VPS16: variants seen among roughly 807,000 people sequenced by gnomAD.
VPS16 encodes the protein VPS16 core subunit of CORVET and HOPS complexes.
VPS16 carries 82 observed loss-of-function variants against 116.0 expected under a neutral mutation model. The observed-to-expected ratio is 0.71, with a 90% CI of 0.59 to 0.85. The LOEUF (loss-of-function observed/expected upper bound fraction) is 0.85, where lower values mean the gene tolerates loss of function less well. VPS16 is among the 40% of genes least tolerant of loss of function. The probability of loss-of-function intolerance (pLI) is 0.00; values close to 1 mark genes in which losing one functional copy is unlikely to be tolerated. For missense variants in VPS16, 928 were observed against 1,090.6 expected, an observed-to-expected ratio of 0.85 and a Z score of 2.10; for synonymous variants, 406 against 420.7, an observed-to-expected ratio of 0.96 and a Z score of 0.43.
At chr20:2,849,003 C>G (rs1599977751) in intron 1 of VPS16, among the ~76,000 whole-genome samples, 1 of 152,138 alleles carries the variant, frequency 6.6e-6, no homozygotes, top group Admixed American at 6.5e-5. Context: ...AAGACAGCTA[C>G]CCCAAGTTAG....
chr20:2,862,172 C>G (rs577317807), intron 11 of VPS16, 42 bp downstream of exon 11: 1 of 1,592,968 alleles, frequency 6.3e-7, no homozygotes, highest in African/African-American at 1.3e-5. Context: ...AATGGTTCCT[C>G]CTGCCCCTGC....
Position 2,865,091 on chromosome 20 carries a change from C to G in VPS16, c.2004+36C>G. The G allele has an allele frequency of 6.2e-7, 1 of 1,614,170 alleles. No homozygotes were observed. The highest frequency in any genetic ancestry group is 8.5e-7 in the Non-Finnish European group (1 of 1,180,028). ...CCTTTTTCCAAGAGCCTCCTCGTCT[C>G]CTGGTCTTCCCTCCTGGTCCCTCAT... On this transcript the variant is annotated intron_variant, in intron 20 of 23. Transcript: ENST00000380445. This position sits in a 1 kb window ranked among gnomAD's most constrained non-coding sequence, Gnocchi z 5.2.
intron 1 of VPS16, among the ~76,000 whole-genome samples, chr20:2,856,091 A>G (rs906282262): frequency 1.3e-5 from 2 of 152,152 alleles, no homozygotes; most frequent in African/African-American, 4.8e-5. Flanking sequence ...CTAGCTTTTG[A>G]TTTAAAGTGA....
In VPS16 at chr20:2,861,693, C is replaced by G; in HGVS notation, c.888C>G (p.Pro296=). 6.2e-7 allele frequency: 1 copy of G among 1,612,998 alleles called. No homozygotes were observed. The highest frequency in any genetic ancestry group is 1.1e-5 in the South Asian group (1 of 90,850). The change falls in exon 9 of 24, where the codon CCC becomes CCG. Residue 296 remains proline, a synonymous_variant. Coordinates refer to ENST00000380445, the MANE Select transcript of VPS16 (RefSeq NM_022575.4). ...GGCTGATGGTGGTGGGCGATGCACC[C>G]GAGAGCATCCAGTATCCTTGGAGGG... ...ERRLMVVGDA[P]ESIQFVLDED...
intron 1 of VPS16, among the ~76,000 whole-genome samples, chr20:2,859,457 C>A (rs148137486): frequency 0.011 from 1,621 of 152,326 alleles, 35 homozygotes; most frequent in African/African-American, 0.036. Context: ...GAGCTCCTGC[C>A]ATCCTTGGAC....
At position 2,863,159 on chromosome 20, in the gene VPS16, T is replaced by C. The variant is rs543565077; in HGVS notation, c.1367+59T>C. On this transcript the variant is annotated intron_variant, in intron 14 of 23. Coordinates refer to ENST00000380445, the MANE Select transcript of VPS16 (RefSeq NM_022575.4). This position sits in a 1 kb window ranked among gnomAD's most constrained non-coding sequence, Gnocchi z 4.4. ...GTCAGGGGGGTGGGCATTACAGCCTTGGGTGGGGTCTTATGGTCACTGCTC... is the reference window on the plus strand; with the variant it reads ...GTCAGGGGGGTGGGCATTACAGCCTCGGGTGGGGTCTTATGGTCACTGCTC... 1 of 1,611,598 alleles carries C rather than the reference T, an allele frequency of 6.2e-7. No individual in the cohort carries two copies. Among genetic ancestry groups the C allele is most frequent in the Middle Eastern group, 1.7e-4 (1 of 6,054 alleles).
chr20:2,861,496 A>C (rs2089227038), intron 8 of VPS16, 119 bp from the exon 9 acceptor site: 3 of 1,368,138 alleles, frequency 2.2e-6, no homozygotes, highest in African/African-American at 1.4e-5. Context: ...TGGAGAGGTC[A>C]GTGTACAGTC....
At chr20:2,866,340 T>C (rs2089344889) in intron 23 of VPS16, 25 bp downstream of exon 23, 2 of 1,613,980 alleles carry the variant, frequency 1.2e-6, no homozygotes, top group African/African-American at 1.3e-5. Context: ...GGCCTGTGGG[T>C]GCTGGGTGGC....
At chr20:2,862,554 C>G (rs773530429) in intron 11 of VPS16, 25 bp from the exon 12 acceptor site, 2 of 1,606,934 alleles carry the variant, frequency 1.2e-6, no homozygotes, top group East Asian at 2.2e-5. Context: ...TCATGATGCC[C>G]TGGCTCTGGA....
chr20:2,859,961 C>A, intron 2 of VPS16, 93 bp from the exon 3 acceptor site: 1 of 1,546,580 alleles, frequency 6.5e-7, no homozygotes, highest in African/African-American at 1.4e-5. Context: ...GCCTGCTTCA[C>A]ATGGGGTGGG....
intron 1 of VPS16, among the ~76,000 whole-genome samples, chr20:2,847,728 C>T (rs963980231): frequency 5.3e-5 from 8 of 152,198 alleles, no homozygotes; most frequent in African/African-American, 1.7e-4. Context: ...CCGCCTGTCT[C>T]GGCCTCCGGA....
rs1392918996 is a variant in VPS16, at chr20:2,865,290, C to T, written c.2147C>T (p.Ala716Val). ...GGHNKRAEQL[A>V]RDFRIPDKRL... Reference sequence around the variant, plus strand: ...CACAACAAGCGTGCAGAGCAGCTGGCACGTGACTTCCGCATCCCTGACAAG... The same window carrying T: ...CACAACAAGCGTGCAGAGCAGCTGGTACGTGACTTCCGCATCCCTGACAAG... The change falls in exon 21 of 24, where the codon GCA (alanine) becomes GTA (valine). Residue 716 changes from alanine (A) to valine (V), a missense_variant. Physicochemically the swap from Ala to Val is moderately conservative, Grantham distance 64 (BLOSUM62 0). Transcript: ENST00000380445. This position sits in a 1 kb window ranked among gnomAD's most constrained non-coding sequence, Gnocchi z 5.2. 6.2e-7 allele frequency: 1 copy of T among 1,614,018 alleles called. No homozygotes were observed. Among genetic ancestry groups the T allele is most frequent in the Non-Finnish European group, 8.5e-7 (1 of 1,180,044 alleles).
chr20:2,852,611 G>A (rs971857403), intron 1 of VPS16, among the ~76,000 whole-genome samples: 1 of 152,124 alleles, frequency 6.6e-6, no homozygotes, highest in Non-Finnish European at 1.5e-5. Flanking sequence ...TGCAAAACAC[G>A]TCACATGAAT....
At position 2,860,760 on chromosome 20, in the gene VPS16, C is replaced by T. The variant is rs1371087855; in HGVS notation, c.527C>T (p.Ala176Val). 6.2e-7 allele frequency: 1 copy of T among 1,613,946 alleles called. No homozygotes were observed. The highest frequency in any genetic ancestry group is 8.5e-7 in the Non-Finnish European group (1 of 1,180,038). ...RMPEVPGLQS[A>V]PSCWTVLCQD... is the part of the protein sequence containing the mutation. ...TCCCTGGCCATAGGTCTGCAAAGTGCACCCTCCTGCTGGACTGTGCTGTGC... is the reference window on the plus strand; with the variant it reads ...TCCCTGGCCATAGGTCTGCAAAGTGTACCCTCCTGCTGGACTGTGCTGTGC... The change falls in exon 6 of 24, where the codon GCA (alanine) becomes GTA (valine). Residue 176 changes from alanine (A) to valine (V), a missense_variant. By Grantham distance (64) the Ala-to-Val change is moderately conservative. Transcript: ENST00000380445. The surrounding 1 kb of genome is among the most constrained non-coding windows in gnomAD (Gnocchi z 6.1).
chr20:2,865,249 C>T lies in VPS16; in HGVS notation c.2106C>T (p.Thr702=). ...LDLSLHDTVT[T]LILGGHNKRA... is the part of the protein sequence containing the mutation. The stretch of plus-strand genomic sequence containing the variant: ...TGTCTCTACATGACACAGTTACCAC[C>T]CTCATTCTTGGCGGTCACAACAAGC... Residue 702 remains threonine, a synonymous_variant, in exon 21 of 24, where the codon ACC becomes ACT. Transcript: ENST00000380445. This position sits in a 1 kb window ranked among gnomAD's most constrained non-coding sequence, Gnocchi z 5.2. 6.2e-7 allele frequency: 1 copy of T among 1,614,200 alleles called. No individual in the cohort carries two copies.
Position 2,860,194 on chromosome 20 carries a change from G to T in VPS16, c.240+43G>T. 1 of 1,613,984 alleles carries T rather than the reference G, an allele frequency of 6.2e-7. No homozygotes were observed. The highest frequency in any genetic ancestry group is 8.5e-7 in the Non-Finnish European group (1 of 1,180,022). On this transcript the variant is annotated intron_variant, in intron 3 of 23. Coordinates refer to ENST00000380445, the MANE Select transcript of VPS16 (RefSeq NM_022575.4). The surrounding 1 kb of genome is among the most constrained non-coding windows in gnomAD (Gnocchi z 6.1). ...TCCCTGGGGCTCAGGGCTGGACAGG[G>T]TTTCCTCACCTGAGGACAGCCTTAG...
At position 2,863,354 on chromosome 20, in the gene VPS16, G is replaced by A; in HGVS notation, c.1432G>A (p.Val478Ile). The change falls in exon 15 of 24, where the codon GTA becomes ATA. Residue 478 changes from valine to isoleucine, a missense_variant. By Grantham distance (29) the Val-to-Ile change is conservative (BLOSUM62 3). Transcript: ENST00000380445. This position sits in a 1 kb window ranked among gnomAD's most constrained non-coding sequence, Gnocchi z 4.4. ...QICEYLRLPEVQGVSRILAHW... is the reference protein window; with the variant it reads ...QICEYLRLPEIQGVSRILAHW... ...ATGCGAGTACTTGCGCCTTCCTGAA[G>A]TACAGGGCGTCAGCAGGATCCTGGC... is the stretch of plus-strand genomic sequence containing the variant. 6.2e-7 allele frequency: 1 copy of A among 1,614,232 alleles called. No individual in the cohort carries two copies. The highest frequency in any genetic ancestry group is 8.5e-7 in the Non-Finnish European group (1 of 1,180,046).
Position 2,860,390 on chromosome 20 carries a change from G to A in VPS16, c.369+23G>A. The A allele has an allele frequency of 6.2e-7, 1 of 1,614,114 alleles. No homozygotes were observed. Among genetic ancestry groups the A allele is most frequent in the Non-Finnish European group, 8.5e-7 (1 of 1,180,018 alleles). On this transcript the variant is annotated intron_variant, in intron 4 of 23. Coordinates refer to ENST00000380445, the MANE Select transcript of VPS16 (RefSeq NM_022575.4). The surrounding 1 kb of genome is among the most constrained non-coding windows in gnomAD (Gnocchi z 6.1). ...AATGTAGGGGTCACAGAGGGCTGGG[G>A]ACGCGGGGTAGAGTTTATGACCCTG...
chr20:2,840,994 C>G lies in VPS16; in HGVS notation c.53+167C>G, dbSNP rs1017899641. On this transcript the variant is annotated intron_variant, in intron 1 of 23. Transcript: ENST00000380445. ...CGCACAGCCGCCTTTGGGCAGGGAG[C>G]CGGGCCTTCCCCTGCTCCAGAAAAG... The G allele has an allele frequency of 4.7e-6, 3 of 640,058 alleles. No individual in the cohort carries two copies. In the Admixed American group the frequency reaches 9.3e-5, roughly 20 times the overall value. 39.6% of individuals were successfully genotyped at this position (640,058 alleles called of 1,614,324 possible).
Sources: gnomAD v4.1 joint callset for allele counts (sites outside exome capture counted in the v4.1 genomes callset) on GRCh38, gnomAD v4.1.1 for gene constraint, Gnocchi (gnomAD v3.1) non-coding constraint, MANE v1.5 for transcripts, NCBI Gene and HGNC (gene_info 2026-07-23, HGNC 2026-07-21) for gene names.